PLEC: variants seen among roughly 807,000 people sequenced by gnomAD.
The protein encoded by PLEC is hemidesmosomal protein 1.
A neutral mutation model predicts 392.8 loss-of-function variants in PLEC; 216 were observed. The ratio of observed to expected loss-of-function variants is 0.55; its 90% CI spans 0.49 to 0.62. The LOEUF (loss-of-function observed/expected upper bound fraction) is 0.62, where lower values mean the gene tolerates loss of function less well. Ranked by LOEUF, PLEC falls within the 20% of genes least tolerant of loss-of-function variation. The pLI, the probability that PLEC is intolerant of heterozygous loss-of-function variation, is 0.00. For missense variants in PLEC, 6,863 were observed against 6,563.4 expected (o/e 1.05, Z -1.58); for synonymous variants, 3,621 against 2,980.6 (o/e 1.21, Z -7.00).
chr8:143,926,054 G>C (rs1257979932), intron 30 of PLEC, among the ~76,000 whole-genome samples, 170 bp from the exon 31 acceptor site: 5 of 152,276 alleles, frequency 3.3e-5, no homozygotes, highest in Non-Finnish European at 5.9e-5. Flanking sequence ...AGGGCGCTCG[G>C]GCAGCGATCG....
rs367732835 is a variant in PLEC at position 143,931,589 on chromosome 8, C to G, written c.2249G>C (p.Ser750Thr). The G allele has an allele frequency of 7.5e-6, 12 of 1,599,518 alleles. No homozygotes were observed. The highest frequency in any genetic ancestry group is 1.0e-5 in the Non-Finnish European group (12 of 1,173,536). ...GGTGACGGTGGCGGAGCGATCACAA[C>G]TGTATTTCCTACGCAGTGCCTCCTG... is the stretch of plus-strand genomic sequence containing the variant. ...KLQEALRRKY[S>T]CDRSATVTRL... Residue 750 changes from serine to threonine, a missense_variant, in exon 19 of 32, where the codon AGT (serine) becomes ACT (threonine). Coordinates refer to ENST00000345136, the MANE Select transcript of PLEC (RefSeq NM_201384.3).
intron 1 of PLEC, among the ~76,000 whole-genome samples, chr8:143,964,591 C>A (rs1389159587): frequency 6.6e-6 from 1 of 152,180 alleles, no homozygotes; most frequent in Non-Finnish European, 1.5e-5. Context: ...GGACATGTGG[C>A]CTCCAGAACC....
At chr8:143,963,834 A>ATT in intron 1 of PLEC, among the ~76,000 whole-genome samples, 1 of 119,588 alleles carries the variant, frequency 8.4e-6, no homozygotes, top group Non-Finnish European at 1.7e-5. Flanking sequence ...TTTTTTTGAG[A>ATT]TGGAGTCTTG....
At chr8:143,935,750 C>T (rs1828880288) in intron 6 of PLEC, 98 bp downstream of exon 6, 3 of 1,358,212 alleles carry the variant, frequency 2.2e-6, no homozygotes, top group Non-Finnish European at 3.1e-6. Flanking sequence ...CCCTGTTCCT[C>T]CTGCCCTCCT....
intron 19 of PLEC, 118 bp downstream of exon 19, chr8:143,931,416 A>G: frequency 5.2e-6 from 5 of 970,332 alleles, no homozygotes; most frequent in Non-Finnish European, 7.8e-6. Flanking sequence ...TACACCTCCC[A>G]TGGTGCCTCC....
Position 143,921,221 on chromosome 8 carries a change from A to G in PLEC, c.8600T>C (p.Leu2867Pro), listed in dbSNP as rs1554684614. ...NTHENLTYLQ[L>P]LERCVEDPET... Reference sequence around the variant, plus strand: ...GGGGTCCTCCACGCAGCGCTCCAGTAGCTGCAGGTACGTGAGGTTCTCGTG... The same window carrying G: ...GGGGTCCTCCACGCAGCGCTCCAGTGGCTGCAGGTACGTGAGGTTCTCGTG... The change falls in exon 32 of 32, where the codon CTA becomes CCA. Residue 2867 changes from leucine (L) to proline (P), a missense_variant. Transcript: ENST00000345136. The G allele has an allele frequency of 6.2e-7, 1 of 1,613,968 alleles. No homozygotes were observed. Among genetic ancestry groups the G allele is most frequent in the African/African-American group, 1.3e-5 (1 of 74,934 alleles).
chr8:143,925,776 G>T lies in PLEC; in HGVS notation c.4153C>A (p.Gln1385Lys). ...LAEAHAQAKA[Q>K]AEREAKELQQ... is the part of the protein sequence containing the mutation. ...AGCTCCTTCGCCTCCCGCTCCGCCT[G>T]TGCCTTTGCCTGGGCGTGCGCCTCG... is the stretch of plus-strand genomic sequence containing the variant. The change falls in exon 31 of 32, where the codon CAG (glutamine) becomes AAG (lysine). Residue 1385 changes from glutamine (Q) to lysine (K), a missense_variant. Physicochemically the swap from Gln to Lys is moderately conservative, Grantham distance 53. Transcript: ENST00000345136. 1 of 1,589,066 alleles carries T rather than the reference G, an allele frequency of 6.3e-7. No individual in the cohort carries two copies. Among genetic ancestry groups the T allele is most frequent in the Non-Finnish European group, 8.5e-7 (1 of 1,174,962 alleles).
At chr8:143,927,180 CT>C in intron 28 of PLEC, 71 bp downstream of exon 28, 1 of 1,578,852 alleles carries the variant, frequency 6.3e-7, no homozygotes. Flanking sequence ...ATGGCCCAGG[CT>C]CAGGGAAAGC....
Position 143,923,268 on chromosome 8 carries a change from G to T in PLEC, c.6661C>A (p.Arg2221Ser). The T allele has an allele frequency of 6.2e-7, 1 of 1,606,606 alleles. No homozygotes were observed. The change falls in exon 31 of 32, where the codon CGC (arginine) becomes AGC (serine). Residue 2221 changes from arginine to serine, a missense_variant. Coordinates refer to ENST00000345136, the MANE Select transcript of PLEC (RefSeq NM_201384.3). Reference protein sequence around the residue: ...RLKAEATEAARQRSQVEEELF... With the variant: ...RLKAEATEAASQRSQVEEELF... ...TCCTCCTCCACCTGGCTGCGCTGGC[G>T]TGCGGCCTCCGTGGCCTCCGCCTTC... is the stretch of plus-strand genomic sequence containing the variant.
Position 143,916,563 on chromosome 8 carries a change from G to A in PLEC, c.13258C>T (p.Arg4420Cys), listed in dbSNP as rs1372881986. Residue 4420 changes from arginine (R) to cysteine (C), a missense_variant, in exon 32 of 32, where the codon CGC (arginine) becomes TGC (cysteine). By Grantham distance (180) the Arg-to-Cys change is radical. Coordinates refer to ENST00000345136, the MANE Select transcript of PLEC (RefSeq NM_201384.3). ...ACGTCACGCAGCTTCTGTGCGGTGC[G>A]GGCGTCCACCGTGCCGCGCTGCAGG... is the stretch of plus-strand genomic sequence containing the variant. ...EALQRGTVDA[R>C]TAQKLRDVGA... 2.2e-5 allele frequency: 36 copies of A among 1,611,490 alleles called. No individual in the cohort carries two copies. The highest frequency in any genetic ancestry group is 4.4e-5 in the South Asian group (4 of 91,080).
At chr8:143,952,208 A>ACACACACG (rs1167020542), upstream of PLEC, among the ~76,000 whole-genome samples, 73 of 130,960 alleles carry the variant, frequency 5.6e-4, 1 homozygote, top group South Asian at 3.3e-3. Context: ...ACACACACAC[A>ACACACACG]CGCGCGCACA....
intron 11 of PLEC, 86 bp downstream of exon 11, chr8:143,934,232 C>CG (rs1828296189): frequency 6.2e-7 from 1 of 1,601,086 alleles, no homozygotes; most frequent in Non-Finnish European, 8.5e-7. Flanking sequence ...GTTCCCCCGC[C>CG]GGGGGCGGGG....
At chr8:143,951,115 A>G (rs369105900), upstream of PLEC, among the ~76,000 whole-genome samples, 2 of 152,006 alleles carry the variant, frequency 1.3e-5, no homozygotes, top group African/African-American at 4.8e-5. Flanking sequence ...AAATGACATC[A>G]GTTTCTAAAC....
Position 143,925,595 on chromosome 8 carries a change from C to T in PLEC, c.4334G>A (p.Arg1445His), listed in dbSNP as rs782421383. The change falls in exon 31 of 32, where the codon CGC becomes CAC. Residue 1445 changes from arginine (R) to histidine (H), a missense_variant. By Grantham distance (29) the Arg-to-His change is conservative. Transcript: ENST00000345136. The part of the protein sequence containing the change: ...AKARQAEAAE[R>H]SRLRIEEEIR... Reference sequence around the variant, plus strand: ...CTCCTCCTCGATGCGCAGCCGGCTGCGCTCAGCCGCCTCTGCCTGCCGGGC... The same window carrying T: ...CTCCTCCTCGATGCGCAGCCGGCTGTGCTCAGCCGCCTCTGCCTGCCGGGC... The T allele has an allele frequency of 1.7e-5, 26 of 1,570,520 alleles. No homozygotes were observed. Among genetic ancestry groups the T allele is most frequent in the East Asian group, 1.2e-4 (5 of 42,742 alleles).
At chr8:143,928,038 A>G (rs1422090008) in intron 25 of PLEC, 46 bp from the exon 26 acceptor site, 3 of 1,554,884 alleles carry the variant, frequency 1.9e-6, no homozygotes, top group East Asian at 4.5e-5. Flanking sequence ...GGCTCGAGCA[A>G]TAGCCCAAGG....
At position 143,923,045 on chromosome 8, in the gene PLEC, T is replaced by C; in HGVS notation, c.6884A>G (p.Gln2295Arg). The change falls in exon 31 of 32, where the codon CAG (glutamine) becomes CGG (arginine). Residue 2295 changes from glutamine to arginine, a missense_variant. Coordinates refer to ENST00000345136, the MANE Select transcript of PLEC (RefSeq NM_201384.3). ...VAAQEAARLR[Q>R]LAEEDLAQQR... Reference sequence around the variant, plus strand: ...CTGTGCCAGGTCCTCCTCTGCCAGCTGCCGCAGTCGCGCAGCCTCTTGGGC... The same window carrying C: ...CTGTGCCAGGTCCTCCTCTGCCAGCCGCCGCAGTCGCGCAGCCTCTTGGGC... The C allele has an allele frequency of 6.2e-7, 1 of 1,611,178 alleles. No individual in the cohort carries two copies. The highest frequency in any genetic ancestry group is 2.2e-5 in the East Asian group (1 of 44,846).
At chr8:143,976,115 G>A (rs573640244), upstream of PLEC, among the ~76,000 whole-genome samples, 176 of 152,358 alleles carry the variant, frequency 1.2e-3, no homozygotes, top group African/African-American at 4.1e-3. Context: ...AGCCGCAGCG[G>A]CGTGGGCCGC....
Position 143,920,201 on chromosome 8 carries a change from A to T in PLEC, c.9620T>A (p.Leu3207Gln). ...QRCRPDQLTGLSLLPLSEKAA... is the reference protein window; with the variant it reads ...QRCRPDQLTGQSLLPLSEKAA... The stretch of plus-strand genomic sequence containing the variant: ...CTTTTCTGAGAGCGGCAGCAGGCTC[A>T]GCCCGGTCAGCTGGTCGGGCCGGCA... The change falls in exon 32 of 32, where the codon CTG becomes CAG. Residue 3207 changes from leucine (L) to glutamine (Q), a missense_variant. By Grantham distance (113) the Leu-to-Gln change is moderately radical (BLOSUM62 -2). Coordinates refer to ENST00000345136, the MANE Select transcript of PLEC (RefSeq NM_201384.3). 2 of 1,609,700 alleles carry T rather than the reference A, an allele frequency of 1.2e-6. No individual in the cohort carries two copies. Among genetic ancestry groups the T allele is most frequent in the Non-Finnish European group, 1.7e-6 (2 of 1,179,640 alleles).
In PLEC at chr8:143,923,945, G is replaced by C; in HGVS notation, c.5984C>G (p.Ala1995Gly). 1 of 1,592,712 alleles carries C rather than the reference G, an allele frequency of 6.3e-7. No individual in the cohort carries two copies. ...CTGCCGTGCGGCCTCCTCCTCGGCC[G>C]CCAGGCTCTTCTGCACGCGCTCCTC... ...EAEERVQKSL[A>G]AEEEAARQRK... The change falls in exon 31 of 32, where the codon GCG (alanine) becomes GGG (glycine). Residue 1995 changes from alanine (A) to glycine (G), a missense_variant. Coordinates refer to ENST00000345136, the MANE Select transcript of PLEC (RefSeq NM_201384.3).
Sources: gnomAD v4.1 joint callset for allele counts (sites outside exome capture counted in the v4.1 genomes callset) on GRCh38, gnomAD v4.1.1 for gene constraint, MANE v1.5 for transcripts, NCBI Gene and HGNC (gene_info 2026-07-23, HGNC 2026-07-21) for gene names.